The following LRMDA variants were observed in gnomAD, a reference collection of about 807,000 sequenced individuals.
The protein encoded by LRMDA is leucine rich melanocyte differentiation associated, also known as leucine-rich melanocyte differentiation-associated protein.
LRMDA carries 18 observed loss-of-function variants against 29.8 expected under a neutral mutation model. That is an observed-to-expected ratio of 0.60 (90% CI 0.42 to 0.90). The LOEUF (loss-of-function observed/expected upper bound fraction) is 0.90, where lower values mean the gene tolerates loss of function less well. LRMDA is among the 40% of genes least tolerant of loss of function. The pLI, the probability that LRMDA is intolerant of heterozygous loss-of-function variation, is 0.00. For missense variants in LRMDA, 273 were observed against 273.9 expected, an observed-to-expected ratio of 1.00 and a Z score of 0.02; for synonymous variants, 125 against 109.4, an observed-to-expected ratio of 1.14 and a Z score of -0.89.
chr10:76,479,734 G>T (rs181605026), intron 6 of LRMDA, among the ~76,000 whole-genome samples: 2 of 151,888 alleles, frequency 1.3e-5, no homozygotes, highest in East Asian at 1.9e-4. Context: ...TTTATTTCAT[G>T]TACCTAAAAA....
chr10:75,950,348 C>G (rs142525255), intron 2 of LRMDA, among the ~76,000 whole-genome samples: 1 of 152,322 alleles, frequency 6.6e-6, no homozygotes, highest in African/African-American at 2.4e-5. Flanking sequence ...TGAATATATG[C>G]TACTCATTGA....
At chr10:75,815,527 C>G (rs1844043150) in intron 2 of LRMDA, among the ~76,000 whole-genome samples, 1 of 152,146 alleles carries the variant, frequency 6.6e-6, no homozygotes, top group South Asian at 2.1e-4. Flanking sequence ...TGTGTCACTT[C>G]TAGGTATAAG....
intron 3 of LRMDA, among the ~76,000 whole-genome samples, chr10:76,044,830 GA>G: frequency 6.6e-6 from 1 of 152,356 alleles, no homozygotes; most frequent in South Asian, 2.1e-4. Context: ...GGGAAGCAGG[GA>G]GGATGTTGGT....
chr10:76,307,038 A>G (rs1840564878), intron 5 of LRMDA, among the ~76,000 whole-genome samples: 2 of 152,186 alleles, frequency 1.3e-5, no homozygotes, highest in South Asian at 4.1e-4. Context: ...GGTCTGTTGC[A>G]GCATCTTGTG....
chr10:75,438,232 A>G (rs551261520), intron 1 of LRMDA, among the ~76,000 whole-genome samples, 162 bp from the exon 2 acceptor site: 2 of 152,318 alleles, frequency 1.3e-5, no homozygotes, highest in East Asian at 1.9e-4. Flanking sequence ...GGAGCCCCCA[A>G]AGCTGATTTG....
chr10:75,682,705 A>G (rs1012006141), intron 2 of LRMDA, among the ~76,000 whole-genome samples: 2 of 152,124 alleles, frequency 1.3e-5, no homozygotes, highest in Non-Finnish European at 2.9e-5. Context: ...GTTGCAAGTC[A>G]ACTGCTCCAT....
intron 2 of LRMDA, among the ~76,000 whole-genome samples, chr10:75,819,478 C>A (rs756187358): frequency 2.0e-5 from 3 of 152,118 alleles, no homozygotes; most frequent in Non-Finnish European, 2.9e-5. Flanking sequence ...AGGGGAAATG[C>A]TTCTAGAGTT....
chr10:75,459,142 T>C (rs1589150069), intron 2 of LRMDA, among the ~76,000 whole-genome samples: 1 of 151,960 alleles, frequency 6.6e-6, no homozygotes, highest in Non-Finnish European at 1.5e-5. Flanking sequence ...GCTTTTAGAG[T>C]GTTAACTAGT....
At chr10:75,569,453 AG>A (rs1415730627) in intron 2 of LRMDA, among the ~76,000 whole-genome samples, 3 of 152,242 alleles carry the variant, frequency 2.0e-5, no homozygotes, top group African/African-American at 7.2e-5. Flanking sequence ...TAAAAGAAAA[AG>A]AACTTAGGAA....
intron 6 of LRMDA, among the ~76,000 whole-genome samples, chr10:76,475,503 T>C (rs996153199): frequency 1.3e-5 from 2 of 151,948 alleles, no homozygotes; most frequent in Non-Finnish European, 2.9e-5. Flanking sequence ...GACAGAAAGT[T>C]AACAAGGATA....
chr10:75,822,312 AGAT>A (rs1361052825), intron 2 of LRMDA, among the ~76,000 whole-genome samples: 1 of 152,198 alleles, frequency 6.6e-6, no homozygotes, highest in East Asian at 1.9e-4. Context: ...AAGAAATCAT[AGAT>A]GACACAAACA....
intron 5 of LRMDA, among the ~76,000 whole-genome samples, chr10:76,194,560 G>A (rs1717168288): frequency 6.6e-6 from 1 of 152,168 alleles, no homozygotes; most frequent in Non-Finnish European, 1.5e-5. Context: ...GGCACACATG[G>A]GAATCCTGAA....
intron 2 of LRMDA, among the ~76,000 whole-genome samples, chr10:75,948,447 C>G (rs1244968620): frequency 6.6e-6 from 1 of 152,146 alleles, no homozygotes; most frequent in Non-Finnish European, 1.5e-5. Context: ...ACAGCTATTG[C>G]TAAAGTAGTC....
At chr10:76,333,248 C>G (rs933562034) in intron 6 of LRMDA, among the ~76,000 whole-genome samples, 1 of 152,062 alleles carries the variant, frequency 6.6e-6, no homozygotes, top group Non-Finnish European at 1.5e-5. Context: ...AGGCCTTGGA[C>G]AGACAGAAGG....
intron 2 of LRMDA, among the ~76,000 whole-genome samples, chr10:75,513,397 T>C (rs1845250668): frequency 6.6e-6 from 1 of 152,216 alleles, no homozygotes; most frequent in Non-Finnish European, 1.5e-5. Flanking sequence ...GGAGAACATA[T>C]CGCTTCTCAG....
chr10:76,455,742 G>A (rs189623259), intron 6 of LRMDA, among the ~76,000 whole-genome samples: 17 of 152,296 alleles, frequency 1.1e-4, no homozygotes, highest in Admixed American at 5.2e-4. Context: ...AGATGTGTAG[G>A]GGAAGTGGCA....
intron 6 of LRMDA, among the ~76,000 whole-genome samples, chr10:76,485,004 A>G (rs1842767902): frequency 6.6e-6 from 1 of 151,472 alleles, no homozygotes; most frequent in Non-Finnish European, 1.5e-5. Context: ...TACATATCCC[A>G]TTTTCAACCT....
At chr10:76,378,981 C>T (rs902173469) in intron 6 of LRMDA, among the ~76,000 whole-genome samples, 1 of 151,628 alleles carries the variant, frequency 6.6e-6, no homozygotes, top group East Asian at 1.9e-4. Context: ...CTCAGTCTCC[C>T]GGGTAGCTGG....
intron 2 of LRMDA, among the ~76,000 whole-genome samples, chr10:75,508,625 G>A (rs188466998): frequency 2.8e-4 from 43 of 152,290 alleles, no homozygotes; most frequent in Non-Finnish European, 4.4e-5. Context: ...AAGCATTATA[G>A]CAATATGACT....
Sources: allele counts gnomAD v4.1 joint callset (sites outside exome capture counted in the v4.1 genomes callset), GRCh38; gene constraint gnomAD v4.1.1; transcripts MANE v1.5; gene names NCBI Gene and HGNC (gene_info 2026-07-23, HGNC 2026-07-21).